Variants in CREB1 observed in about 807,000 individuals in gnomAD.
The protein encoded by CREB1 is cAMP responsive element binding protein 1.
CREB1 carries 2 observed loss-of-function variants against 42.0 expected under a neutral mutation model. The observed-to-expected ratio is 0.05, with a 90% CI of 0.02 to 0.15. CREB1 has a LOEUF of 0.15. Ranked by LOEUF, CREB1 falls within the 10% of genes least tolerant of loss-of-function variation. CREB1 has a pLI of 1.00. For missense variants in CREB1, 199 were observed against 388.9 expected, an observed-to-expected ratio of 0.51 and a Z score of 4.11; for synonymous variants, 123 against 139.9, an observed-to-expected ratio of 0.88 and a Z score of 0.85.
chr2:207,577,635 G>A lies in CREB1; in HGVS notation c.819G>A (p.Glu273=). ...CTGAAGAAGCAGCACGAAAGAGAGA[G>A]GTCCGTCTAATGAAGAACAGGTACA... ...QPAEEAARKR[E]VRLMKNREAA... Residue 273 remains glutamate (E), a synonymous_variant, in exon 7 of 8, where the codon GAG becomes GAA. Coordinates refer to ENST00000353267, the MANE Select transcript of CREB1 (RefSeq NM_004379.5). 1.2e-6 allele frequency: 2 copies of A among 1,613,974 alleles called. No homozygotes were observed. Among genetic ancestry groups the A allele is most frequent in the South Asian group, 1.1e-5 (1 of 91,086 alleles).
At chr2:207,544,479 C>T (rs2081224206) in intron 1 of CREB1, among the ~76,000 whole-genome samples, 1 of 152,028 alleles carries the variant, frequency 6.6e-6, no homozygotes, top group Non-Finnish European at 1.5e-5. Flanking sequence ...TAATTTATAC[C>T]TGTCAAGCTC....
At chr2:207,549,994 A>G (rs1559273722) in intron 1 of CREB1, among the ~76,000 whole-genome samples, 1 of 152,076 alleles carries the variant, frequency 6.6e-6, no homozygotes, top group Non-Finnish European at 1.5e-5. Flanking sequence ...GAGAGAAAAG[A>G]ATGTATTAGC....
chr2:207,545,261 G>A (rs893897429), intron 1 of CREB1, among the ~76,000 whole-genome samples: 1 of 152,182 alleles, frequency 6.6e-6, no homozygotes, highest in Non-Finnish European at 1.5e-5. Context: ...AGACTGGAGT[G>A]CAGTGGCATG....
chr2:207,590,541 AT>A (rs1337600214), intron 7 of CREB1, among the ~76,000 whole-genome samples: 1 of 150,442 alleles, frequency 6.6e-6, no homozygotes, highest in Non-Finnish European at 1.5e-5. Context: ...TTAACTGTAA[AT>A]TTTTTCCTAT....
rs1024471573 is a variant in CREB1, at chr2:207,605,385, T to C, written c.*8327T>C. Among the ~76,000 whole-genome samples the C allele has an allele frequency of 5.3e-5, 8 of 152,242 alleles. No homozygotes were observed. Among genetic ancestry groups the C allele is most frequent in the Non-Finnish European group, 1.2e-4 (8 of 68,036 alleles). On this transcript the variant is annotated 3_prime_UTR_variant, in exon 8 of 8. Transcript: ENST00000353267. ...TGAAGAAATGTCTGTTGAGGTCCTTTGTTCATTGAAATTTTGTTGTTGGGT... is the reference window on the plus strand; with the variant it reads ...TGAAGAAATGTCTGTTGAGGTCCTTCGTTCATTGAAATTTTGTTGTTGGGT...
intron 2 of CREB1, among the ~76,000 whole-genome samples, chr2:207,558,895 G>A (rs548060564): frequency 3.3e-5 from 5 of 152,072 alleles, no homozygotes; most frequent in Admixed American, 6.6e-5. Flanking sequence ...CACCCGCCTC[G>A]GCCTCCCAAA....
At chr2:207,586,139 T>C (rs1198764810) in intron 7 of CREB1, among the ~76,000 whole-genome samples, 1 of 152,120 alleles carries the variant, frequency 6.6e-6, no homozygotes, top group Non-Finnish European at 1.5e-5. Flanking sequence ...AGCCAAAGCA[T>C]TCCTGAACTA....
intron 5 of CREB1, among the ~76,000 whole-genome samples, chr2:207,573,394 G>A (rs928589132): frequency 1.2e-4 from 18 of 152,180 alleles, no homozygotes; most frequent in Admixed American, 5.9e-4. Context: ...TTAGTGGCTA[G>A]AACCCAGATG....
At chr2:207,572,226 A>C (rs1254835444) in intron 5 of CREB1, among the ~76,000 whole-genome samples, 1 of 47,492 alleles carries the variant, frequency 2.1e-5, no homozygotes, top group African/African-American at 4.7e-5. Context: ...ATTCCGTCTC[A>C]AAAAAAAAAA....
At position 207,603,088 on chromosome 2, in the gene CREB1, T is replaced by C. The variant is rs115526431; in HGVS notation, c.*6030T>C. ...CTCTGATGTTTCTATTGGAGTTGAA[T>C]ACTAAATAAATAACTATAATGAGGG... is the stretch of plus-strand genomic sequence containing the variant. On this transcript the variant is annotated 3_prime_UTR_variant, in exon 8 of 8. Transcript: ENST00000353267. The C allele has an allele frequency of 2.9e-3, 621 of 211,074 alleles. 6 individuals carry two copies. Among genetic ancestry groups the C allele is most frequent in the African/African-American group, 0.013 (593 of 44,250 alleles). 13.1% of individuals were successfully genotyped at this position (211,074 alleles called of 1,614,324 possible). A position where few individuals can be genotyped will look rare whatever the true frequency, so the allele number is the denominator to read the frequency against.
At chr2:207,577,198 G>A (rs2106579568) in intron 6 of CREB1, 2 of 1,110,014 alleles carry the variant, frequency 1.8e-6, no homozygotes, top group South Asian at 5.0e-5. Context: ...CATCCAAGCT[G>A]TGCCCCACTT....
chr2:207,600,886 G>A lies in CREB1; in HGVS notation c.*3828G>A, dbSNP rs1296612993. ...GAAGAAATACGTTTGTTTAAACCAG[G>A]ATGCTTTACTTACTTGAAGTGACTT... On this transcript the variant is annotated 3_prime_UTR_variant, in exon 8 of 8. Transcript: ENST00000353267. 5 of 203,010 alleles carry A rather than the reference G, an allele frequency of 2.5e-5. No homozygotes were observed. The East Asian group carries it at 3.8e-4, about 15-fold the overall frequency. The allele number at this position is 203,010 out of a possible 1,614,324, so 12.6% of individuals were successfully genotyped here. A position where few individuals can be genotyped will look rare whatever the true frequency, so the allele number is the denominator to read the frequency against.
intron 4 of CREB1, 200 bp downstream of exon 4, chr2:207,567,763 A>T (rs2082195599): frequency 1.3e-4 from 41 of 305,026 alleles, no homozygotes; most frequent in Middle Eastern, 9.5e-4. Context: ...ACCAGTCCTA[A>T]TTTTTTTTTT....
At chr2:207,578,332 T>C (rs1052223744) in intron 7 of CREB1, among the ~76,000 whole-genome samples, 1 of 152,312 alleles carries the variant, frequency 6.6e-6, no homozygotes, top group East Asian at 1.9e-4. Flanking sequence ...TTTAGAACTT[T>C]CATATAGAAG....
At chr2:207,544,241 G>A (rs1170541815) in intron 1 of CREB1, among the ~76,000 whole-genome samples, 3 of 152,204 alleles carry the variant, frequency 2.0e-5, no homozygotes, top group African/African-American at 4.8e-5. Context: ...GTTTAGGCTT[G>A]TAAGTAGCTC....
At position 207,602,557 on chromosome 2, in the gene CREB1, C is replaced by T. The variant is rs1226550605; in HGVS notation, c.*5499C>T. 1 of 211,000 alleles carries T rather than the reference C, an allele frequency of 4.7e-6. No individual in the cohort carries two copies. Among genetic ancestry groups the T allele is most frequent in the Non-Finnish European group, 9.6e-6 (1 of 104,070 alleles). 13.1% of individuals were successfully genotyped at this position (211,000 alleles called of 1,614,324 possible). ...GCATCTCAGAGAAGTGAGAGTAAAT[C>T]TGAGTTAGCTTAAAAATTGGTAGGG... is the stretch of plus-strand genomic sequence containing the variant. On this transcript the variant is annotated 3_prime_UTR_variant, in exon 8 of 8. Transcript: ENST00000353267.
chr2:207,577,860 G>A (rs981167950), intron 7 of CREB1: 63 of 560,024 alleles, frequency 1.1e-4, no homozygotes, highest in African/African-American at 7.8e-4. Context: ...ATCTTTGATC[G>A]TGGAGTAGTT....
intron 7 of CREB1, among the ~76,000 whole-genome samples, chr2:207,586,555 ATAGT>A (rs2083876191): frequency 6.6e-6 from 1 of 152,214 alleles, no homozygotes; most frequent in African/African-American, 2.4e-5. Context: ...AAAAAGAAAA[ATAGT>A]TAAGTGGAAA....
At chr2:207,565,529 GA>G (rs965305069) in intron 3 of CREB1, among the ~76,000 whole-genome samples, 4 of 144,246 alleles carry the variant, frequency 2.8e-5, no homozygotes, top group African/African-American at 7.7e-5. Flanking sequence ...TCCAGAGTTA[GA>G]AAAAAAAAGG....
Sources: allele counts gnomAD v4.1 joint callset (sites outside exome capture counted in the v4.1 genomes callset), GRCh38; gene constraint gnomAD v4.1.1; transcripts MANE v1.5; gene names NCBI Gene and HGNC (gene_info 2026-07-23, HGNC 2026-07-21).